FAM222B: variants seen among roughly 807,000 people sequenced by gnomAD.
FAM222B encodes protein FAM222B.
A neutral mutation model predicts 38.0 loss-of-function variants in FAM222B; 12 were observed. That is an observed-to-expected ratio of 0.32 (90% CI 0.20 to 0.51). The LOEUF is 0.51. Ranked by LOEUF, FAM222B falls within the 20% of genes least tolerant of loss-of-function variation. FAM222B has a pLI of 0.97. For missense variants in FAM222B, 716 were observed against 754.2 expected (o/e 0.95, Z 0.59); for synonymous variants, 329 against 317.2 (o/e 1.04, Z -0.40).
rs77933993 is a variant in FAM222B at position 28,782,051 on chromosome 17, C to A, written c.-40-15344G>T. Among the ~76,000 whole-genome samples, 780 of 152,284 alleles carry A rather than the reference C, an allele frequency of 5.1e-3. 8 individuals are homozygous for A. Among genetic ancestry groups the A allele is most frequent in the African/African-American group, 0.018 (731 of 41,546 alleles). The stretch of plus-strand genomic sequence containing the variant: ...AAGATCAAAATATCGAGGGGCCAGG[C>A]ATGCTGGCTCACACTTGTAATTCCA... On this transcript the variant is annotated intron_variant, in intron 1 of 2. Transcript: ENST00000581407.
At chr17:28,845,691 C>G (rs1348643015), upstream of FAM222B, among the ~76,000 whole-genome samples, 1 of 151,780 alleles carries the variant, frequency 6.6e-6, no homozygotes, top group Non-Finnish European at 1.5e-5. Context: ...GTCAGGAGAT[C>G]GAGACCATTC....
chr17:28,769,896 T>C (rs1330658082), intron 1 of FAM222B, among the ~76,000 whole-genome samples: 4 of 152,204 alleles, frequency 2.6e-5, no homozygotes, highest in East Asian at 3.8e-4. Context: ...CTTATTTTTC[T>C]AGCTCCCTCA....
chr17:28,809,318 A>G (rs1262144195), intron 1 of FAM222B, among the ~76,000 whole-genome samples: 1 of 150,780 alleles, frequency 6.6e-6, no homozygotes, highest in Non-Finnish European at 1.5e-5. Context: ...GTGCCACTGC[A>G]TTCCAGCCTG....
chr17:28,781,510 T>C (rs1231401321), intron 1 of FAM222B, among the ~76,000 whole-genome samples: 1 of 152,110 alleles, frequency 6.6e-6, no homozygotes, highest in African/African-American at 2.4e-5. Context: ...AACTACCATA[T>C]GATCCAGCAA....
At chr17:28,769,063 T>C (rs1018361581) in intron 1 of FAM222B, among the ~76,000 whole-genome samples, 1 of 151,954 alleles carries the variant, frequency 6.6e-6, no homozygotes, top group Non-Finnish European at 1.5e-5. Flanking sequence ...GGTAACAAAC[T>C]TCACCTGTCA....
intron 1 of FAM222B, among the ~76,000 whole-genome samples, chr17:28,811,828 G>A (rs1009221094): frequency 2.0e-5 from 3 of 152,186 alleles, no homozygotes; most frequent in African/African-American, 7.2e-5. Context: ...CAGTCCCAAG[G>A]AGGAAAATGG....
upstream of FAM222B, among the ~76,000 whole-genome samples, chr17:28,846,993 G>C (rs1307020326): frequency 6.6e-6 from 1 of 152,006 alleles, no homozygotes; most frequent in Non-Finnish European, 1.5e-5. Flanking sequence ...GGAGGCCTAG[G>C]TGGGTAGATC....
At chr17:28,828,976 G>A (rs1285688589) in intron 1 of FAM222B, among the ~76,000 whole-genome samples, 1 of 151,956 alleles carries the variant, frequency 6.6e-6, no homozygotes, top group Non-Finnish European at 1.5e-5. Context: ...CGCCATCTCG[G>A]CTCACTGCAA....
In FAM222B at chr17:28,759,565, G is replaced by A. The variant is rs375394898; in HGVS notation, c.394C>T (p.Pro132Ser). Reference sequence around the variant, plus strand: ...GCCACAGTAGCATAGGGTGCCACTGGGGGGTTCATGATGGCCTCAGGGAGC... The same window carrying A: ...GCCACAGTAGCATAGGGTGCCACTGAGGGGTTCATGATGGCCTCAGGGAGC... ...RLLPEAIMNP[P>S]VAPYATVAPS... The change falls in exon 3 of 3, where the codon CCA (proline) becomes TCA (serine). Residue 132 changes from proline to serine, a missense_variant. Transcript: ENST00000581407. The surrounding 1 kb of genome is among the most constrained non-coding windows in gnomAD (Gnocchi z 4.8). The A allele has an allele frequency of 2.5e-6, 4 of 1,610,270 alleles. No individual in the cohort carries two copies. Among genetic ancestry groups the A allele is most frequent in the African/African-American group, 1.3e-5 (1 of 74,884 alleles).
intron 1 of FAM222B, among the ~76,000 whole-genome samples, chr17:28,767,579 G>A (rs573459202): frequency 6.6e-6 from 1 of 152,094 alleles, no homozygotes; most frequent in Non-Finnish European, 1.5e-5. Context: ...GAGTTCAAGC[G>A]ATTCTCGTCC....
chr17:28,777,920 C>A (rs919125300), intron 1 of FAM222B, among the ~76,000 whole-genome samples: 2 of 150,864 alleles, frequency 1.3e-5, no homozygotes, highest in Non-Finnish European at 2.9e-5. Flanking sequence ...TCCTGAGTAG[C>A]TGGGACTGCA....
At chr17:28,807,600 G>C (rs1354638171) in intron 1 of FAM222B, among the ~76,000 whole-genome samples, 2 of 152,110 alleles carry the variant, frequency 1.3e-5, no homozygotes, top group East Asian at 3.8e-4. Context: ...TGGTCAGGCT[G>C]GTCTTGAACT....
intron 1 of FAM222B, among the ~76,000 whole-genome samples, chr17:28,813,560 T>C (rs1045829993): frequency 2.0e-5 from 3 of 152,082 alleles, no homozygotes; most frequent in Non-Finnish European, 4.4e-5. Context: ...GGAGTCTCGC[T>C]CTGTTGCCCA....
At position 28,757,182 on chromosome 17, in the gene FAM222B, C is replaced by CA. The variant is rs1298265814; in HGVS notation, c.*1087dup. ...ATGCTCATTTGGTAAAGGAAGTACT[C>CA]AAAGAGCTTAAGGCTTTGTGTTTGT... On this transcript the variant is annotated 3_prime_UTR_variant, in exon 3 of 3. Transcript: ENST00000581407. 3.3e-5 allele frequency: 5 copies of CA among 152,598 alleles called. No individual in the cohort carries two copies. Among genetic ancestry groups the CA allele is most frequent in the African/African-American group, 1.2e-4 (5 of 41,516 alleles). The allele number at this position is 152,598 out of a possible 1,614,324, so 9.5% of individuals were successfully genotyped here.
chr17:28,762,548 AC>A, intron 2 of FAM222B, among the ~76,000 whole-genome samples: 1 of 145,754 alleles, frequency 6.9e-6, no homozygotes, highest in Admixed American at 7.1e-5. Context: ...AATTGCTTGA[AC>A]CCGGCAGGTG....
intron 1 of FAM222B, among the ~76,000 whole-genome samples, chr17:28,815,021 C>G (rs1307190614): frequency 6.6e-6 from 1 of 151,626 alleles, no homozygotes; most frequent in Non-Finnish European, 1.5e-5. Context: ...TGATCCACCC[C>G]CCTCGCCTCC....
At position 28,758,363 on chromosome 17, in the gene FAM222B, G is replaced by A. The variant is rs372315918; in HGVS notation, c.1596C>T (p.Ala532=). 1.9e-6 allele frequency: 3 copies of A among 1,613,720 alleles called. No homozygotes were observed. Among genetic ancestry groups the A allele is most frequent in the Non-Finnish European group, 2.5e-6 (3 of 1,179,836 alleles). ...QQACFREQSL[A]MLSKAHRAPG... Reference sequence around the variant, plus strand: ...GGGCTCGGTGGGCCTTGCTCAGCATGGCCAGGCTCTGTTCTCGGAAGCAGG... The same window carrying A: ...GGGCTCGGTGGGCCTTGCTCAGCATAGCCAGGCTCTGTTCTCGGAAGCAGG... The change falls in exon 3 of 3, where the codon GCC becomes GCT. Residue 532 remains alanine, a synonymous_variant. Coordinates refer to ENST00000581407, the MANE Select transcript of FAM222B (RefSeq NM_001077498.3).
At chr17:28,793,393 A>G (rs1277148608) in intron 1 of FAM222B, among the ~76,000 whole-genome samples, 2 of 152,124 alleles carry the variant, frequency 1.3e-5, no homozygotes, top group African/African-American at 2.4e-5. Flanking sequence ...ACATCATCCA[A>G]AAAGTTTCAA....
At chr17:28,778,679 T>TTTGTG (rs1263328936) in intron 1 of FAM222B, among the ~76,000 whole-genome samples, 15 of 110,194 alleles carry the variant, frequency 1.4e-4, no homozygotes, top group Non-Finnish European at 2.1e-4. Context: ...AATTTTTTTT[T>TTTGTG]TGTGTGTGTG....
Sources: gnomAD v4.1 joint callset for allele counts (sites outside exome capture counted in the v4.1 genomes callset) on GRCh38, gnomAD v4.1.1 for gene constraint, Gnocchi (gnomAD v3.1) non-coding constraint, MANE v1.5 for transcripts, NCBI Gene and HGNC (gene_info 2026-07-23, HGNC 2026-07-21) for gene names.